Variants in APPL2 observed in about 807,000 individuals in gnomAD.
APPL2 encodes the protein adaptor protein, phosphotyrosine interacting with PH domain and leucine zipper 2.
Under a neutral mutation model 92.7 loss-of-function variants are expected in APPL2, and 84 were observed. The observed-to-expected ratio is 0.91, with a 90% CI of 0.76 to 1.09. The LOEUF is 1.09. Among genes scored for constraint, APPL2 ranks in the 50% least tolerant of loss-of-function variants. The pLI is 0.00. For missense variants in APPL2, 736 were observed against 824.5 expected (o/e 0.89, Z 1.31); for synonymous variants, 291 against 291.0 (o/e 1.00, Z 0.00).
At chr12:105,212,305 T>C (rs1889291217) in intron 4 of APPL2, among the ~76,000 whole-genome samples, 2 of 152,152 alleles carry the variant, frequency 1.3e-5, no homozygotes, top group African/African-American at 4.8e-5. Flanking sequence ...AATTCTATCT[T>C]TGTAAATTAT....
At chr12:105,227,068 G>GT (rs1320793788) in intron 2 of APPL2, among the ~76,000 whole-genome samples, 2 of 151,158 alleles carry the variant, frequency 1.3e-5, no homozygotes, top group African/African-American at 4.9e-5. Flanking sequence ...CTACAGTGAG[G>GT]TATAATCATG....
At chr12:105,210,951 C>T (rs576348995) in intron 5 of APPL2, among the ~76,000 whole-genome samples, 2 of 152,286 alleles carry the variant, frequency 1.3e-5, no homozygotes, top group African/African-American at 4.8e-5. Context: ...GCACGCCTTT[C>T]TGTGTGCTGT....
At position 105,173,715 on chromosome 12, in the gene APPL2, G is replaced by A. The variant is rs549634378; in HGVS notation, c.*599C>T. 6.6e-6 allele frequency: 1 copy of A among 152,408 alleles called. No individual in the cohort carries two copies. Among genetic ancestry groups the A allele is most frequent in the African/African-American group, 2.4e-5 (1 of 41,508 alleles). 9.4% of individuals were successfully genotyped at this position (152,408 alleles called of 1,614,324 possible). ...CTTTTGTGGTATTCATTTTTTTATT[G>A]CTTGATGTCTGGAACAGTTACCGAA... On this transcript the variant is annotated 3_prime_UTR_variant, in exon 21 of 21. Coordinates refer to ENST00000258530, the MANE Select transcript of APPL2 (RefSeq NM_018171.5).
At chr12:105,199,279 C>A (rs910522270) in intron 10 of APPL2, 94 bp downstream of exon 10, 43 of 1,441,598 alleles carry the variant, frequency 3.0e-5, no homozygotes, top group Middle Eastern at 2.5e-4. Context: ...CCACCCACCT[C>A]CCTCTGACTT....
chr12:105,176,341 A>C, intron 19 of APPL2: 1 of 542,146 alleles, frequency 1.8e-6, no homozygotes, highest in Non-Finnish European at 3.2e-6. Context: ...AAAGTTCTTA[A>C]TAGGAATTTT....
At chr12:105,190,335 T>C (rs1325187439) in intron 14 of APPL2, among the ~76,000 whole-genome samples, 180 bp from the exon 15 acceptor site, 1 of 152,212 alleles carries the variant, frequency 6.6e-6, no homozygotes, top group Non-Finnish European at 1.5e-5. Context: ...GCTAAAAACC[T>C]TCAGTCTGCC....
intron 11 of APPL2, among the ~76,000 whole-genome samples, chr12:105,197,267 T>A (rs925408834): frequency 1.3e-5 from 2 of 152,112 alleles, no homozygotes; most frequent in African/African-American, 4.8e-5. Flanking sequence ...GCCCCTCAGG[T>A]ACACAGGACA....
chr12:105,203,837 G>A (rs1888457810), intron 8 of APPL2, 52 bp from the exon 9 acceptor site: 1 of 1,525,466 alleles, frequency 6.6e-7, no homozygotes, highest in Non-Finnish European at 9.1e-7. Flanking sequence ...AGTGATCAGT[G>A]AACTCACTGA....
intron 3 of APPL2, 44 bp from the exon 4 acceptor site, chr12:105,217,184 G>C (rs1566090272): frequency 7.4e-7 from 1 of 1,353,424 alleles, no homozygotes; most frequent in South Asian, 1.2e-5. Context: ...GTGAATACTG[G>C]GGAATTCAGC....
At chr12:105,206,228 A>G (rs1399797138) in intron 8 of APPL2, among the ~76,000 whole-genome samples, 2 of 152,222 alleles carry the variant, frequency 1.3e-5, no homozygotes, top group East Asian at 1.9e-4. Flanking sequence ...AATGTATTAT[A>G]GAAGTATTAG....
intron 10 of APPL2, 143 bp from the exon 11 acceptor site, chr12:105,198,096 A>T (rs1887825055): frequency 1.3e-6 from 1 of 764,308 alleles, no homozygotes; most frequent in African/African-American, 1.8e-5. Flanking sequence ...TGCCCATTCA[A>T]GTGGAAAGAG....
At chr12:105,196,390 A>C (rs958585105) in intron 11 of APPL2, among the ~76,000 whole-genome samples, 1 of 149,440 alleles carries the variant, frequency 6.7e-6, no homozygotes, top group Non-Finnish European at 1.5e-5. Context: ...ATAAGGTAAC[A>C]GTAATACTGC....
chr12:105,180,156 G>C (rs1383479615), intron 17 of APPL2, among the ~76,000 whole-genome samples: 1 of 152,162 alleles, frequency 6.6e-6, no homozygotes, highest in Non-Finnish European at 1.5e-5. Flanking sequence ...TGTATAAGGT[G>C]TTAAGAGGAA....
At chr12:105,191,710 G>A (rs1475328415) in intron 14 of APPL2, among the ~76,000 whole-genome samples, 2 of 152,104 alleles carry the variant, frequency 1.3e-5, no homozygotes, top group Admixed American at 6.6e-5. Flanking sequence ...TGGACACTTC[G>A]CAGTCATCAT....
chr12:105,225,118 T>C (rs1250909527), intron 2 of APPL2, among the ~76,000 whole-genome samples: 1 of 151,642 alleles, frequency 6.6e-6, no homozygotes, highest in African/African-American at 2.4e-5. Flanking sequence ...TTAATCACGG[T>C]TCTCATTTCA....
intron 17 of APPL2, among the ~76,000 whole-genome samples, chr12:105,186,651 G>GATATCATATATATCATATATATGAT (rs1205982386): frequency 2.4e-5 from 2 of 83,922 alleles, no homozygotes; most frequent in Admixed American, 3.1e-4. Context: ...ATATGATATC[G>GATATCATATATATCATATATATGAT]ATATCATATA....
intron 4 of APPL2, among the ~76,000 whole-genome samples, chr12:105,214,725 T>C (rs1156893112): frequency 6.6e-6 from 1 of 151,438 alleles, no homozygotes; most frequent in African/African-American, 2.4e-5. Context: ...TCCTGGATGA[T>C]GGGAGTGTCT....
intron 9 of APPL2, among the ~76,000 whole-genome samples, chr12:105,199,995 T>TTTTG (rs1888019032): frequency 4.1e-5 from 6 of 147,430 alleles, no homozygotes; most frequent in African/African-American, 1.5e-4. Flanking sequence ...ATTTTGTTTT[T>TTTTG]TTTTTTTTTT....
At chr12:105,218,824 C>T (rs1889891375) in intron 2 of APPL2, among the ~76,000 whole-genome samples, 3 of 152,164 alleles carry the variant, frequency 2.0e-5, no homozygotes, top group Non-Finnish European at 4.4e-5. Context: ...CCCAGAAAAC[C>T]AGAGGAAACA....
Sources: gnomAD v4.1 joint callset for allele counts (sites outside exome capture counted in the v4.1 genomes callset) on GRCh38, gnomAD v4.1.1 for gene constraint, MANE v1.5 for transcripts, NCBI Gene and HGNC (gene_info 2026-07-23, HGNC 2026-07-21) for gene names.